Variants in CSN1S1 observed in about 807,000 individuals in gnomAD.
CSN1S1 encodes the protein alpha-S1-casein.
A neutral mutation model predicts 49.1 loss-of-function variants in CSN1S1; 63 were observed. The observed-to-expected ratio is 1.28, with a 90% CI of 1.05 to 1.58. CSN1S1 has a LOEUF of 1.58. CSN1S1 is among the 40% of genes most tolerant of loss of function. CSN1S1 has a pLI of 0.00. For synonymous variants in CSN1S1, 78 were observed against 67.1 expected, an observed-to-expected ratio of 1.16 and a Z score of -0.79; for missense variants, 260 against 224.7, an observed-to-expected ratio of 1.16 and a Z score of -1.01.
At chr4:69,945,716 T>C (rs1016529309) in intron 15 of CSN1S1, among the ~76,000 whole-genome samples, 1 of 151,974 alleles carries the variant, frequency 6.6e-6, no homozygotes, top group Non-Finnish European at 1.5e-5. Flanking sequence ...TAACCATTGA[T>C]CTTATTTTTT....
chr4:69,942,654 T>A (rs879183202), intron 14 of CSN1S1, 77 bp downstream of exon 14: 2 of 1,140,876 alleles, frequency 1.8e-6, no homozygotes, highest in Non-Finnish European at 2.5e-6. Flanking sequence ...AATAGCCCCC[T>A]ACTCTTGAAG....
chr4:69,937,558 A>T (rs1722825151), intron 8 of CSN1S1, among the ~76,000 whole-genome samples: 1 of 151,614 alleles, frequency 6.6e-6, no homozygotes, highest in African/African-American at 2.4e-5. Flanking sequence ...ATAAAGGAAA[A>T]TGTAAACTTG....
Position 69,935,929 on chromosome 4 carries a change from A to T in CSN1S1, c.109A>T (p.Ile37Leu). ...AACATAACTTTTTTTTTTGTAGCCT[A>T]TACCATTAGAATCAAGAGAGGTAAG... ...LQNPSESSEP[I>L]PLESREEYMN... Residue 37 changes from isoleucine to leucine, a missense_variant, in exon 5 of 16, where the codon ATA (isoleucine) becomes TTA (leucine). Physicochemically the swap from Ile to Leu is conservative, Grantham distance 5 (BLOSUM62 2). Coordinates refer to ENST00000246891, the MANE Select transcript of CSN1S1 (RefSeq NM_001890.2). 6.5e-7 allele frequency: 1 copy of T among 1,531,180 alleles called. No homozygotes were observed. Among genetic ancestry groups the T allele is most frequent in the African/African-American group, 1.4e-5 (1 of 72,482 alleles). The allele number at this position is 1,531,180 out of a possible 1,614,324, so 94.8% of individuals were successfully genotyped here.
In CSN1S1 at chr4:69,941,555, G is replaced by A. The variant is rs191876210; in HGVS notation, c.343-491G>A. Among the ~76,000 whole-genome samples the A allele has an allele frequency of 4.2e-4, 64 of 151,920 alleles. 1 individual carries two copies. The highest frequency in any genetic ancestry group is 3.2e-3 in the Admixed American group (49 of 15,224). On this transcript the variant is annotated intron_variant, in intron 12 of 15. Transcript: ENST00000246891. Reference sequence around the variant, plus strand: ...GAGTAACATAAAAGTCTTTCTTTTGGGAGGACAATAAAAACCTTTCAGTAA... The same window carrying A: ...GAGTAACATAAAAGTCTTTCTTTTGAGAGGACAATAAAAACCTTTCAGTAA...
chr4:69,942,456 A>G lies in CSN1S1; in HGVS notation c.361-80A>G, dbSNP rs777039209. On this transcript the variant is annotated intron_variant, in intron 13 of 15. Coordinates refer to ENST00000246891, the MANE Select transcript of CSN1S1 (RefSeq NM_001890.2). ...CTAAATTTCATGAATGATGTTATGT[A>G]TACTTCTGGTGCAATGTAAGATAAA... 5 of 1,087,462 alleles carry G rather than the reference A, an allele frequency of 4.6e-6. No individual in the cohort carries two copies. In the Admixed American group the frequency reaches 6.0e-5, roughly 13 times the overall value. 67.4% of individuals were successfully genotyped at this position (1,087,462 alleles called of 1,614,324 possible).
chr4:69,944,646 G>A (rs1414195707), intron 14 of CSN1S1, among the ~76,000 whole-genome samples: 4 of 151,924 alleles, frequency 2.6e-5, no homozygotes, highest in Non-Finnish European at 4.4e-5. Context: ...TGCCCCTCAG[G>A]TGTCTTAAAA....
At chr4:69,935,107 A>G (rs62305466) in intron 4 of CSN1S1, among the ~76,000 whole-genome samples, 30,830 of 152,074 alleles carry the variant, frequency 0.2, 3,947 homozygotes, top group South Asian at 0.33. Context: ...TATTATTTTT[A>G]TAATTCACAA....
At chr4:69,934,917 T>C (rs1722722574) in intron 4 of CSN1S1, among the ~76,000 whole-genome samples, 1 of 152,146 alleles carries the variant, frequency 6.6e-6, no homozygotes, top group Non-Finnish European at 1.5e-5. Context: ...CATAGACTTA[T>C]TAAATTTACT....
intron 8 of CSN1S1, among the ~76,000 whole-genome samples, 161 bp from the exon 9 acceptor site, chr4:69,937,639 T>G (rs570325009): frequency 2.0e-5 from 3 of 151,966 alleles, no homozygotes; most frequent in African/African-American, 7.2e-5. Context: ...CAGATTCATT[T>G]GGCTCAGAGA....
Position 69,934,709 on chromosome 4 carries a change from A to G in CSN1S1, c.104A>G (p.Glu35Gly). ...TTACAGAATCCATCAGAGAGCAGTG[A>G]GGTAAGCTCTGTTTATGGGGAGTCA... ...ERLQNPSESS[E>G]PIPLESREEY... is the part of the protein sequence containing the mutation. The change falls in exon 4 of 16, where the codon GAG becomes GGG. Residue 35 changes from glutamate (E) to glycine (G), a missense_variant and splice_region_variant. Glu to Gly is a moderately conservative substitution (Grantham distance 98). Coordinates refer to ENST00000246891, the MANE Select transcript of CSN1S1 (RefSeq NM_001890.2). 1 of 1,609,438 alleles carries G rather than the reference A, an allele frequency of 6.2e-7. No homozygotes were observed. The highest frequency in any genetic ancestry group is 8.5e-7 in the Non-Finnish European group (1 of 1,176,594).
chr4:69,939,198 C>A lies in CSN1S1; in HGVS notation c.266C>A (p.Ser89Ter). The part of the protein sequence containing the change: ...EPEKMESSIS[S>*]SSEEMSLSKC... ...TAGAAGATGGAATCCAGCATCAGTTCATCGAGTGAGGTAAATAATTTTGAT... is the reference window on the plus strand; with the variant it reads ...TAGAAGATGGAATCCAGCATCAGTTAATCGAGTGAGGTAAATAATTTTGAT... The change falls in exon 10 of 16, where the codon TCA (serine) becomes TAA (stop). Residue 89 changes from serine to a stop codon, truncating the protein, a stop_gained. Coordinates refer to ENST00000246891, the MANE Select transcript of CSN1S1 (RefSeq NM_001890.2). LOFTEE classifies it high-confidence loss of function. 1.3e-6 allele frequency: 2 copies of A among 1,598,038 alleles called. No homozygotes were observed. The highest frequency in any genetic ancestry group is 2.2e-5 in the South Asian group (2 of 89,360).
chr4:69,937,390 A>G (rs1324082845), intron 8 of CSN1S1, among the ~76,000 whole-genome samples: 1 of 147,568 alleles, frequency 6.8e-6, no homozygotes, highest in Non-Finnish European at 1.5e-5. Flanking sequence ...AGCAAAACAT[A>G]CTAGATGGAG....
chr4:69,934,153 T>C lies in CSN1S1; in HGVS notation c.52-59T>C. On this transcript the variant is annotated intron_variant, in intron 2 of 15. Coordinates refer to ENST00000246891, the MANE Select transcript of CSN1S1 (RefSeq NM_001890.2). Reference sequence around the variant, plus strand: ...TCATCGTATTATATGTGTATTATTATATTGTTATTGTCATTTTAGTTACTT... The same window carrying C: ...TCATCGTATTATATGTGTATTATTACATTGTTATTGTCATTTTAGTTACTT... 3.8e-6 allele frequency: 5 copies of C among 1,315,966 alleles called. 1 individual carries two copies. The South Asian group carries it at 6.0e-5, about 16-fold the overall frequency. The allele number at this position is 1,315,966 out of a possible 1,614,324, so 81.5% of individuals were successfully genotyped here.
chr4:69,937,899 A>ATGTGTGTACATTTGG (rs1722843247), intron 9 of CSN1S1, 76 bp downstream of exon 9: 1 of 1,006,780 alleles, frequency 9.9e-7, no homozygotes, highest in African/African-American at 1.7e-5. Context: ...CATTTTAAAA[A>ATGTGTGTACATTTGG]GACTGTCTTC....
At chr4:69,941,801 C>A (rs974238015) in intron 12 of CSN1S1, among the ~76,000 whole-genome samples, 1 of 151,786 alleles carries the variant, frequency 6.6e-6, no homozygotes, top group African/African-American at 2.4e-5. Context: ...CAATAGAATT[C>A]ATCATTATTG....
chr4:69,939,746 T>C (rs1722914583), intron 10 of CSN1S1, among the ~76,000 whole-genome samples: 1 of 151,772 alleles, frequency 6.6e-6, no homozygotes, highest in South Asian at 2.1e-4. Context: ...CCAACTCACT[T>C]AAGTGGGGTT....
At chr4:69,942,191 T>C in intron 13 of CSN1S1, 128 bp downstream of exon 13, 1 of 606,128 alleles carries the variant, frequency 1.6e-6, no homozygotes, top group Non-Finnish European at 2.7e-6. Flanking sequence ...TCTGATAATA[T>C]TTTACTTAAA....
At chr4:69,941,796 G>T (rs527707128) in intron 12 of CSN1S1, among the ~76,000 whole-genome samples, 1 of 151,856 alleles carries the variant, frequency 6.6e-6, no homozygotes, top group African/African-American at 2.4e-5. Context: ...TACCCCAATA[G>T]AATTCATCAT....
chr4:69,942,613 A>G, intron 14 of CSN1S1, 36 bp downstream of exon 14: 1 of 1,507,196 alleles, frequency 6.6e-7, no homozygotes. Flanking sequence ...AAACGATAAT[A>G]TTTTGTTAAG....
Sources: gnomAD v4.1 joint callset for allele counts (sites outside exome capture counted in the v4.1 genomes callset) on GRCh38, gnomAD v4.1.1 for gene constraint, MANE v1.5 for transcripts, NCBI Gene and HGNC (gene_info 2026-07-23, HGNC 2026-07-21) for gene names.